The following MROH2B variants were observed in gnomAD, a reference collection of about 807,000 sequenced individuals.
The protein encoded by MROH2B is maestro heat-like repeat-containing protein family member 2B.
A neutral mutation model predicts 208.6 loss-of-function variants in MROH2B; 177 were observed. The ratio of observed to expected loss-of-function variants is 0.85; its 90% confidence interval spans 0.75 to 0.96. The LOEUF (loss-of-function observed/expected upper bound fraction) is 0.96, where lower values mean the gene tolerates loss of function less well. Ranked by LOEUF, MROH2B falls within the 40% of genes least tolerant of loss-of-function variation. MROH2B has a pLI of 0.00. For synonymous variants in MROH2B, 728 were observed against 659.0 expected, an observed-to-expected ratio of 1.10 and a Z score of -1.60; for missense variants, 2,002 against 1,878.7, an observed-to-expected ratio of 1.07 and a Z score of -1.21.
In MROH2B at chr5:41,033,822, TATCTATC is replaced by T. The variant is rs753821605; in HGVS notation, c.2241+9_2241+15del. ...CTATCTATCTATCTATCTATCTATC[TATCTATC>T]TCTCCTACCTTGTTCATCACAGACA... On this transcript the variant is annotated intron_variant, in intron 22 of 41. Coordinates refer to ENST00000399564, the MANE Select transcript of MROH2B (RefSeq NM_173489.5). 3,047 of 1,444,672 alleles carry T rather than the reference TATCTATC, an allele frequency of 2.1e-3. 113 individuals are homozygous for T. Among genetic ancestry groups the T allele is most frequent in the Middle Eastern group, 0.011 (63 of 5,744 alleles). The allele number at this position is 1,444,672 out of a possible 1,614,324, so 89.5% of individuals were successfully genotyped here. A position where few individuals can be genotyped will look rare whatever the true frequency, so the allele number is the denominator to read the frequency against.
At chr5:41,059,861 T>A (rs545862933) in intron 6 of MROH2B, among the ~76,000 whole-genome samples, 1 of 152,206 alleles carries the variant, frequency 6.6e-6, no homozygotes, top group Non-Finnish European at 1.5e-5. Flanking sequence ...TCCATCTAAA[T>A]CCACTTATTT....
At chr5:41,054,025 G>C (rs1184378184) in intron 11 of MROH2B, among the ~76,000 whole-genome samples, 1 of 151,752 alleles carries the variant, frequency 6.6e-6, no homozygotes, top group East Asian at 1.9e-4. Flanking sequence ...TGTTGCCCAG[G>C]CTGGAGTGCA....
intron 21 of MROH2B, among the ~76,000 whole-genome samples, chr5:41,038,031 A>G (rs990903571): frequency 2.0e-5 from 3 of 152,176 alleles, no homozygotes; most frequent in African/African-American, 4.8e-5. Context: ...CATTCTTGGT[A>G]TGTTTGAGAA....
intron 24 of MROH2B, among the ~76,000 whole-genome samples, chr5:41,024,254 G>C (rs974595679): frequency 4.6e-5 from 7 of 152,150 alleles, no homozygotes; most frequent in Non-Finnish European, 8.8e-5. Context: ...TGGATAAAGA[G>C]TCAAGACCCA....
At chr5:41,015,128 T>C (rs557009656) in intron 29 of MROH2B, among the ~76,000 whole-genome samples, 8 of 152,334 alleles carry the variant, frequency 5.3e-5, no homozygotes, top group Admixed American at 4.6e-4. Context: ...CCAAAGCTCT[T>C]GTTCCTTCCA....
chr5:41,016,406 G>A (rs138192204), intron 28 of MROH2B, among the ~76,000 whole-genome samples: 2 of 151,438 alleles, frequency 1.3e-5, no homozygotes, highest in African/African-American at 4.8e-5. Context: ...AAATGAAGTG[G>A]GCTAAAGGAA....
Position 41,064,476 on chromosome 5 carries a change from A to G in MROH2B, c.456T>C (p.Cys152=). The change falls in exon 5 of 42, where the codon TGT becomes TGC. Residue 152 remains cysteine, a synonymous_variant. Transcript: ENST00000399564. Reference sequence around the variant, plus strand: ...GGAAATCATCGGGATACCCACCAATACAGAAAGTCCCCTTCATCCTTTCAT... The same window carrying G: ...GGAAATCATCGGGATACCCACCAATGCAGAAAGTCCCCTTCATCCTTTCAT... ...AEDERMKGTF[C]IALEKFSKAI... The G allele has an allele frequency of 6.2e-7, 1 of 1,613,000 alleles. No homozygotes were observed. The highest frequency in any genetic ancestry group is 1.6e-4 in the Middle Eastern group (1 of 6,062).
At chr5:41,000,561 G>A in intron 38 of MROH2B, 117 bp downstream of exon 38, 2 of 1,383,412 alleles carry the variant, frequency 1.4e-6, no homozygotes, top group Admixed American at 2.8e-5. Flanking sequence ...GAGGTTTTCA[G>A]GTTCAGCGCT....
intron 13 of MROH2B, among the ~76,000 whole-genome samples, chr5:41,049,832 C>G (rs1304154851): frequency 2.0e-5 from 3 of 152,136 alleles, no homozygotes; most frequent in African/African-American, 7.2e-5. Flanking sequence ...TGTGACTTCC[C>G]CAGTTGAGAA....
Position 41,067,191 on chromosome 5 carries a change from C to G in MROH2B, c.118G>C (p.Val40Leu). ...KEDIYSHLTS[V>L]IQNTDILDDA... ...TCCAAGATGTCAGTATTCTGAATAACAGAAGTGAGATGACTGTAAATGTCT... is the reference window on the plus strand; with the variant it reads ...TCCAAGATGTCAGTATTCTGAATAAGAGAAGTGAGATGACTGTAAATGTCT... Residue 40 changes from valine (V) to leucine (L), a missense_variant, in exon 3 of 42, where the codon GTT (valine) becomes CTT (leucine). Coordinates refer to ENST00000399564, the MANE Select transcript of MROH2B (RefSeq NM_173489.5). 1.9e-6 allele frequency: 3 copies of G among 1,553,310 alleles called. No individual in the cohort carries two copies. Among genetic ancestry groups the G allele is most frequent in the Non-Finnish European group, 1.7e-6 (2 of 1,146,940 alleles).
chr5:41,053,846 TA>T (rs1743362629), intron 11 of MROH2B, among the ~76,000 whole-genome samples: 1 of 152,260 alleles, frequency 6.6e-6, no homozygotes, highest in South Asian at 2.1e-4. Context: ...CAAAGCTTCT[TA>T]AAAGAATTTA....
At chr5:41,006,753 T>C (rs745635861) in intron 34 of MROH2B, among the ~76,000 whole-genome samples, 11 of 152,148 alleles carry the variant, frequency 7.2e-5, no homozygotes, top group Admixed American at 3.3e-4. Flanking sequence ...CCAAACATTG[T>C]ATGTTCTGTC....
At chr5:41,035,197 C>T (rs1383771625) in intron 21 of MROH2B, among the ~76,000 whole-genome samples, 1 of 152,020 alleles carries the variant, frequency 6.6e-6, no homozygotes. Flanking sequence ...TACTATAAGG[C>T]TATAGTAATC....
At chr5:41,048,738 A>G (rs1208223430) in intron 15 of MROH2B, among the ~76,000 whole-genome samples, 1 of 152,250 alleles carries the variant, frequency 6.6e-6, no homozygotes, top group South Asian at 2.1e-4. Flanking sequence ...AGATATATCA[A>G]TTAATTAAAT....
intron 5 of MROH2B, among the ~76,000 whole-genome samples, chr5:41,062,638 G>T (rs1438518338): frequency 6.6e-6 from 1 of 152,028 alleles, no homozygotes; most frequent in Non-Finnish European, 1.5e-5. Flanking sequence ...CACTTATTTT[G>T]CTAGATGATA....
In MROH2B at chr5:41,000,319, G is replaced by A; in HGVS notation, c.4383C>T (p.Pro1461=). ...CATAGAGCTCCTGGAGGCCCAAAAAGGGAATGCAGACCATCAAGACATCAC... is the reference window on the plus strand; with the variant it reads ...CATAGAGCTCCTGGAGGCCCAAAAAAGGAATGCAGACCATCAAGACATCAC... ...ACRDVLMVCI[P]FLGLQELYGV... is the part of the protein sequence containing the mutation. Residue 1461 remains proline (P), a synonymous_variant, in exon 39 of 42, where the codon CCC becomes CCT. Coordinates refer to ENST00000399564, the MANE Select transcript of MROH2B (RefSeq NM_173489.5). 6.2e-7 allele frequency: 1 copy of A among 1,613,864 alleles called. No homozygotes were observed. The highest frequency in any genetic ancestry group is 8.5e-7 in the Non-Finnish European group (1 of 1,179,810).
chr5:41,036,518 G>C (rs1385567987), intron 21 of MROH2B, among the ~76,000 whole-genome samples: 1 of 152,096 alleles, frequency 6.6e-6, no homozygotes, highest in African/African-American at 2.4e-5. Context: ...ATATACCATG[G>C]ATTACTATGC....
At chr5:41,025,477 A>T (rs1193516688) in intron 24 of MROH2B, among the ~76,000 whole-genome samples, 2 of 152,142 alleles carry the variant, frequency 1.3e-5, no homozygotes, top group Non-Finnish European at 2.9e-5. Flanking sequence ...CTCCCAAGAC[A>T]AAACCAGGAA....
At chr5:41,058,834 G>A (rs1248377873) in intron 6 of MROH2B, among the ~76,000 whole-genome samples, 4 of 151,758 alleles carry the variant, frequency 2.6e-5, no homozygotes, top group African/African-American at 7.3e-5. Flanking sequence ...ATCGCCTGAG[G>A]TTAGGAGATG....
Sources: gnomAD v4.1 joint callset for allele counts (sites outside exome capture counted in the v4.1 genomes callset) on GRCh38, gnomAD v4.1.1 for gene constraint, MANE v1.5 for transcripts, NCBI Gene and HGNC (gene_info 2026-07-23, HGNC 2026-07-21) for gene names.